LRRC9: variants seen among roughly 807,000 people sequenced by gnomAD.
LRRC9 encodes leucine rich repeat containing 9, also known as leucine-rich repeat-containing protein 9.
In LRRC9, 122 loss-of-function variants were observed where a neutral mutation model predicts 63.2. That is an observed-to-expected ratio of 1.93 (90% CI 1.67 to 2.24). The LOEUF (loss-of-function observed/expected upper bound fraction) is 2.24, where lower values mean the gene tolerates loss of function less well. LRRC9 is among the 30% of genes most tolerant of loss of function. The pLI, the probability that LRRC9 is intolerant of heterozygous loss-of-function variation, is 0.00. For missense variants in LRRC9, 1,071 were observed against 627.7 expected (o/e 1.71, Z -7.55); for synonymous variants, 366 against 213.1 (o/e 1.72, Z -6.25).
intron 13 of LRRC9, among the ~76,000 whole-genome samples, 188 bp downstream of exon 13, chr14:59,974,896 A>G (rs1018211728): frequency 6.6e-6 from 1 of 151,252 alleles, no homozygotes; most frequent in South Asian, 2.1e-4. Flanking sequence ...CTTTTAACAG[A>G]TACTTACTGA....
chr14:59,952,968 TC>T (rs2139920647), intron 8 of LRRC9, among the ~76,000 whole-genome samples: 1 of 152,328 alleles, frequency 6.6e-6, no homozygotes, highest in East Asian at 1.9e-4. Flanking sequence ...TTCATCCATG[TC>T]CCTGCAAAGG....
chr14:59,999,350 G>A (rs1056607758), intron 19 of LRRC9, 124 bp downstream of exon 19: 42 of 483,538 alleles, frequency 8.7e-5, no homozygotes, highest in African/African-American at 2.2e-4. Flanking sequence ...AATTAATATA[G>A]AGCAATCATA....
intron 26 of LRRC9, among the ~76,000 whole-genome samples, chr14:60,022,019 G>A (rs190954084): frequency 6.6e-6 from 1 of 151,658 alleles, no homozygotes; most frequent in African/African-American, 2.4e-5. Flanking sequence ...CGCAGTGAGT[G>A]GGGGGGATGT....
intron 19 of LRRC9, among the ~76,000 whole-genome samples, chr14:60,001,192 G>A (rs1889327858): frequency 6.6e-6 from 1 of 151,904 alleles, no homozygotes; most frequent in South Asian, 2.1e-4. Context: ...GTATATTTGT[G>A]TGTGTGTGTG....
intron 23 of LRRC9, among the ~76,000 whole-genome samples, chr14:60,008,773 G>A (rs1266072592): frequency 3.9e-5 from 6 of 152,130 alleles, no homozygotes; most frequent in Non-Finnish European, 5.9e-5. Flanking sequence ...TGACAAATGT[G>A]TAAAGAGTAA....
intron 28 of LRRC9, among the ~76,000 whole-genome samples, chr14:60,028,830 G>T (rs1891759529): frequency 6.6e-6 from 1 of 152,082 alleles, no homozygotes; most frequent in Non-Finnish European, 1.5e-5. Flanking sequence ...AGTCTATCTT[G>T]TCCACATTTC....
rs1881288327 is a variant in LRRC9, at chr14:59,938,451, A to G, written c.605A>G (p.Tyr202Cys). The change falls in exon 7 of 32, where the codon TAT becomes TGT. Residue 202 changes from tyrosine (Y) to cysteine (C), a missense_variant. Coordinates refer to ENST00000445360, the Ensembl canonical transcript of LRRC9. This position sits in a 1 kb window ranked among gnomAD's most constrained non-coding sequence, Gnocchi z 4.2. ...GATTTATGTCTGAATGACCCTCAAT[A>G]TACAACCAATCCAGTTTGTCTTCTG... 1 of 698,754 alleles carries G rather than the reference A, an allele frequency of 1.4e-6. No individual in the cohort carries two copies. Among genetic ancestry groups the G allele is most frequent in the Non-Finnish European group, 2.6e-6 (1 of 383,024 alleles). 43.3% of individuals were successfully genotyped at this position (698,754 alleles called of 1,614,324 possible). A position where few individuals can be genotyped will look rare whatever the true frequency, so the allele number is the denominator to read the frequency against.
At chr14:60,028,337 C>T (rs188747099) in intron 28 of LRRC9, among the ~76,000 whole-genome samples, 1 of 152,034 alleles carries the variant, frequency 6.6e-6, no homozygotes, top group African/African-American at 2.4e-5. Flanking sequence ...ATTAGTTCTA[C>T]GTGTTCTAAG....
chr14:59,943,431 A>G (rs943789726), intron 7 of LRRC9, among the ~76,000 whole-genome samples: 3 of 152,030 alleles, frequency 2.0e-5, no homozygotes, highest in Admixed American at 6.6e-5. Context: ...TGACCCACAG[A>G]ATTTTGTATT....
At chr14:59,939,605 G>A (rs1294705784) in intron 7 of LRRC9, among the ~76,000 whole-genome samples, 3 of 152,086 alleles carry the variant, frequency 2.0e-5, no homozygotes, top group East Asian at 3.9e-4. Flanking sequence ...TCAGATTCTG[G>A]TAGCAGTTAC....
chr14:60,037,717 G>T (rs1052236264), intron 29 of LRRC9, among the ~76,000 whole-genome samples: 1 of 152,124 alleles, frequency 6.6e-6, no homozygotes, highest in Non-Finnish European at 1.5e-5. Context: ...TCTGCAGGTT[G>T]CCTGTTCACT....
In LRRC9 at chr14:59,993,743, A is replaced by G. The variant is rs1317782045; in HGVS notation, c.2212-3913A>G. Among the ~76,000 whole-genome samples, 7 of 152,346 alleles carry G rather than the reference A, an allele frequency of 4.6e-5. No homozygotes were observed. In the South Asian group the frequency reaches 1.2e-3, roughly 27 times the overall value. On this transcript the variant is annotated intron_variant, in intron 17 of 31. Transcript: ENST00000445360. ...GCCATTACAGAATGGTAAAGGGATC[A>G]ATTCAACAAGAAGAGCTAACTATCC...
At chr14:60,010,342 T>C (rs1890161979) in intron 23 of LRRC9, among the ~76,000 whole-genome samples, 1 of 152,214 alleles carries the variant, frequency 6.6e-6, no homozygotes, top group African/African-American at 2.4e-5. Context: ...GCTTGCACCC[T>C]CTGAAGCCAC....
In LRRC9 at chr14:59,922,316, AG is replaced by A. The variant is rs957814139; in HGVS notation, c.-34+2435del. Among the ~76,000 whole-genome samples the A allele has an allele frequency of 1.1e-4, 17 of 152,204 alleles. No homozygotes were observed. Among genetic ancestry groups the A allele is most frequent in the African/African-American group, 3.9e-4 (16 of 41,538 alleles). On this transcript the variant is annotated intron_variant, in intron 1 of 31. Coordinates refer to ENST00000445360, the Ensembl canonical transcript of LRRC9. The surrounding 1 kb of genome is among the most constrained non-coding windows in gnomAD (Gnocchi z 5.3). ...TTATTTTTGACCTTGTAGTGGCTTG[AG>A]GTGTTCTCAGTCCAGATGGCAGTGA... is the stretch of plus-strand genomic sequence containing the variant.
Position 59,930,901 on chromosome 14 carries a change from C to A in LRRC9, c.268-17C>A. 1 of 415,078 alleles carries A rather than the reference C, an allele frequency of 2.4e-6. No homozygotes were observed. Among genetic ancestry groups the A allele is most frequent in the South Asian group, 3.2e-5 (1 of 30,782 alleles). 25.7% of individuals were successfully genotyped at this position (415,078 alleles called of 1,614,324 possible). On this transcript the variant is annotated splice_polypyrimidine_tract_variant and intron_variant, in intron 3 of 31. Coordinates refer to ENST00000445360, the Ensembl canonical transcript of LRRC9. This position sits in a 1 kb window ranked among gnomAD's most constrained non-coding sequence, Gnocchi z 4.9. ...AAAACATAAACTAACATTATTCAGT[C>A]TCCTTTTCTTTTACAGAAAATTGAA... is the stretch of plus-strand genomic sequence containing the variant.
At chr14:59,979,895 C>T (rs1388036133) in intron 15 of LRRC9, among the ~76,000 whole-genome samples, 1 of 151,466 alleles carries the variant, frequency 6.6e-6, no homozygotes, top group Non-Finnish European at 1.5e-5. Context: ...TGCAGCACAC[C>T]AGCATGGCAC....
At chr14:59,970,021 T>G (rs559167839) in intron 12 of LRRC9, among the ~76,000 whole-genome samples, 1 of 152,262 alleles carries the variant, frequency 6.6e-6, no homozygotes, top group East Asian at 1.9e-4. Context: ...TTAGGTAAAC[T>G]TGTGTCATGG....
In LRRC9 at chr14:59,949,364, T is replaced by C. The variant is rs1181857083; in HGVS notation, c.882+4620T>C. On this transcript the variant is annotated intron_variant, in intron 8 of 31. Transcript: ENST00000445360. ...GGGATCGGTGATGATATCCCCTTTA[T>C]CATTTTTTATTGTGTCTATTTGATT... Among the ~76,000 whole-genome samples, 6 of 151,752 alleles carry C rather than the reference T, an allele frequency of 4.0e-5. No homozygotes were observed. The South Asian group carries it at 6.2e-4, about 16-fold the overall frequency.
In LRRC9 at chr14:59,943,504, T is replaced by C. The variant is rs80082053; in HGVS notation, c.727-1085T>C. On this transcript the variant is annotated intron_variant, in intron 7 of 31. Transcript: ENST00000445360. ...ACAAGAAACACCATTTCCCATTTCT[T>C]AAGTTACGGTTTTTTCTTTTAACTC... is the stretch of plus-strand genomic sequence containing the variant. 2.6e-5 allele frequency among the ~76,000 whole-genome samples: 4 copies of C among 152,282 alleles called. No homozygotes were observed. In the East Asian group the frequency reaches 5.8e-4, roughly 22 times the overall value.
Sources: allele counts gnomAD v4.1 joint callset (sites outside exome capture counted in the v4.1 genomes callset), GRCh38; gene constraint gnomAD v4.1.1; non-coding constraint Gnocchi (gnomAD v3.1); transcripts MANE v1.5; gene names NCBI Gene and HGNC (gene_info 2026-07-23, HGNC 2026-07-21).